Variants in HKDC1 observed in about 807,000 individuals in gnomAD.
HKDC1 encodes hexokinase domain containing 1, also known as hexokinase HKDC1.
HKDC1 carries 66 observed loss-of-function variants against 96.6 expected under a neutral mutation model. The observed-to-expected ratio is 0.68, with a 90% CI of 0.56 to 0.84. HKDC1 has a LOEUF of 0.84. Ranked by LOEUF, HKDC1 falls within the 40% of genes least tolerant of loss-of-function variation. The pLI is 0.00. For missense variants in HKDC1, 1,211 were observed against 1,208.1 expected (o/e 1.00, Z -0.04); for synonymous variants, 466 against 473.1 (o/e 0.98, Z 0.20).
intron 2 of HKDC1, 58 bp from the exon 3 acceptor site, chr10:69,232,706 G>A: frequency 1.3e-6 from 2 of 1,505,758 alleles, no homozygotes; most frequent in South Asian, 2.3e-5. Context: ...CTAATGCAGA[G>A]CTTGCCATAT....
intron 7 of HKDC1, among the ~76,000 whole-genome samples, 174 bp downstream of exon 7, chr10:69,243,539 C>G (rs1390904349): frequency 6.6e-6 from 1 of 151,132 alleles, no homozygotes; most frequent in African/African-American, 2.4e-5. Flanking sequence ...CTCTCTAGCC[C>G]AGGCTGAAGT....
intron 16 of HKDC1, among the ~76,000 whole-genome samples, chr10:69,262,773 C>T (rs1444636016): frequency 6.6e-6 from 1 of 152,128 alleles, no homozygotes; most frequent in African/African-American, 2.4e-5. Context: ...GTTCAGCATC[C>T]TTCTCCTGTC....
intron 15 of HKDC1, among the ~76,000 whole-genome samples, chr10:69,259,890 C>T (rs1843781080): frequency 6.6e-6 from 1 of 152,204 alleles, no homozygotes; most frequent in Non-Finnish European, 1.5e-5. Context: ...TCCTCCAATA[C>T]TGGGGATTGT....
intron 16 of HKDC1, among the ~76,000 whole-genome samples, chr10:69,262,804 CT>C (rs1286241312): frequency 2.0e-5 from 3 of 152,132 alleles, no homozygotes; most frequent in Non-Finnish European, 2.9e-5. Flanking sequence ...CCCATCCAAT[CT>C]GAACAGATGG....
rs759114256 is a variant in HKDC1 at position 69,250,514 on chromosome 10, GCT to G, written c.1717-6_1717-5del. 2,427 of 1,558,844 alleles carry G rather than the reference GCT, an allele frequency of 1.6e-3. 3 individuals are homozygous for G. Among genetic ancestry groups the G allele is most frequent in the Non-Finnish European group, 2.0e-3 (2,258 of 1,143,100 alleles). On this transcript the variant is annotated splice_polypyrimidine_tract_variant and intron_variant, in intron 11 of 17. Coordinates refer to ENST00000354624, the MANE Select transcript of HKDC1 (RefSeq NM_025130.4). Reference sequence around the variant, plus strand: ...TCGATGTCCGCCTGGTGTGAATGCCGCTCTCTCTCTCTCTGCAGCTCTTTGAT... The same window carrying G: ...TCGATGTCCGCCTGGTGTGAATGCCGCTCTCTCTCTCTGCAGCTCTTTGAT...
At chr10:69,242,884 CCTCTTGT>C (rs1843475005) in intron 6 of HKDC1, among the ~76,000 whole-genome samples, 1 of 152,200 alleles carries the variant, frequency 6.6e-6, no homozygotes, top group Non-Finnish European at 1.5e-5. Flanking sequence ...CTTCATTTGT[CCTCTTGT>C]AAGAGCGCTT....
chr10:69,257,688 G>GT (rs796151914), intron 14 of HKDC1, among the ~76,000 whole-genome samples: 33 of 149,640 alleles, frequency 2.2e-4, no homozygotes, highest in Admixed American at 1.7e-3. Flanking sequence ...ATTGTCATGG[G>GT]GGGGGGAAGG....
At chr10:69,252,166 A>G (rs1843652491) in intron 12 of HKDC1, among the ~76,000 whole-genome samples, 1 of 152,168 alleles carries the variant, frequency 6.6e-6, no homozygotes, top group Admixed American at 6.6e-5. Context: ...TAGATAATTC[A>G]TAAATATGGA....
Position 69,257,358 on chromosome 10 carries a change from A to G in HKDC1, c.1964A>G (p.Asn655Ser), listed in dbSNP as rs1843736371. ...GACCTGGACATTGTTGCAGTCGTGA[A>G]TGATACAGTGGGGACCATGATGACC... is the stretch of plus-strand genomic sequence containing the variant. Reference protein sequence around the residue: ...EFDLDIVAVVNDTVGTMMTCG... With the variant: ...EFDLDIVAVVSDTVGTMMTCG... The change falls in exon 14 of 18, where the codon AAT becomes AGT. Residue 655 changes from asparagine (N) to serine (S), a missense_variant. By Grantham distance (46) the Asn-to-Ser change is conservative (BLOSUM62 1). Transcript: ENST00000354624. 1.9e-6 allele frequency: 3 copies of G among 1,613,958 alleles called. No individual in the cohort carries two copies. The highest frequency in any genetic ancestry group is 1.6e-4 in the Middle Eastern group (1 of 6,084).
intron 4 of HKDC1, among the ~76,000 whole-genome samples, chr10:69,237,692 G>T (rs941218949): frequency 6.6e-6 from 1 of 152,106 alleles, no homozygotes; most frequent in Non-Finnish European, 1.5e-5. Context: ...ATCTCTCCCC[G>T]CTCTGTCCCT....
chr10:69,254,979 A>T (rs530674371), intron 12 of HKDC1, among the ~76,000 whole-genome samples: 1 of 152,374 alleles, frequency 6.6e-6, no homozygotes, highest in African/African-American at 2.4e-5. Context: ...GTAACATTTT[A>T]ATTTTTTACA....
In HKDC1 at chr10:69,266,662, G is replaced by A. The variant is rs1478257285; in HGVS notation, c.2659G>A (p.Val887Met). 1.2e-6 allele frequency: 2 copies of A among 1,614,130 alleles called. No homozygotes were observed. Among genetic ancestry groups the A allele is most frequent in the Non-Finnish European group, 1.7e-6 (2 of 1,179,958 alleles). ...TVKELAPRCD[V>M]TFMLSEDGSG... ...GAAGGAACTAGCCCCTCGATGTGATGTGACATTCATGCTGTCAGAAGATGG... is the reference window on the plus strand; with the variant it reads ...GAAGGAACTAGCCCCTCGATGTGATATGACATTCATGCTGTCAGAAGATGG... The change falls in exon 18 of 18, where the codon GTG becomes ATG. Residue 887 changes from valine (V) to methionine (M), a missense_variant. By Grantham distance (21) the Val-to-Met change is conservative (BLOSUM62 1). Transcript: ENST00000354624.
At chr10:69,228,832 C>T (rs1251997947) in intron 2 of HKDC1, among the ~76,000 whole-genome samples, 1 of 150,998 alleles carries the variant, frequency 6.6e-6, no homozygotes, top group African/African-American at 2.4e-5. Context: ...CGCCACTGCA[C>T]TCCAGCCTGG....
At chr10:69,236,354 C>T (rs574606430) in intron 4 of HKDC1, among the ~76,000 whole-genome samples, 38 of 151,722 alleles carry the variant, frequency 2.5e-4, no homozygotes, top group Non-Finnish European at 4.9e-4. Context: ...GAGATCCTCC[C>T]GCCTCAGCCT....
rs1335866788 is a variant in HKDC1, at chr10:69,232,843, G to A, written c.306G>A (p.Lys102=). ...VLKVQVAEEG[K]RHVQMESQFY... is the part of the protein sequence containing the mutation. ...AGGTGCAAGTCGCTGAAGAGGGGAAGCGACACGTGCAGATGGAGAGTCAGT... is the reference window on the plus strand; with the variant it reads ...AGGTGCAAGTCGCTGAAGAGGGGAAACGACACGTGCAGATGGAGAGTCAGT... The change falls in exon 3 of 18, where the codon AAG becomes AAA. Residue 102 remains lysine, a synonymous_variant. Coordinates refer to ENST00000354624, the MANE Select transcript of HKDC1 (RefSeq NM_025130.4). The A allele has an allele frequency of 1.9e-6, 3 of 1,614,150 alleles. No homozygotes were observed. The South Asian group carries it at 3.3e-5, about 18-fold the overall frequency.
rs571066463 is a variant in HKDC1, at chr10:69,227,873, A to G, written c.226+504A>G. On this transcript the variant is annotated intron_variant, in intron 2 of 17. Transcript: ENST00000354624. ...GAGCAAGAATGATGTAGTGGAAATC[A>G]CATTCAATGATAATTCAACAAACCT... 3.3e-5 allele frequency among the ~76,000 whole-genome samples: 5 copies of G among 152,306 alleles called. No homozygotes were observed. The South Asian group carries it at 1.0e-3, about 32-fold the overall frequency.
Position 69,257,409 on chromosome 10 carries a change from A to G in HKDC1, c.2015A>G (p.Glu672Gly), listed in dbSNP as rs1284579175. 6.2e-7 allele frequency: 1 copy of G among 1,613,032 alleles called. No individual in the cohort carries two copies. Among genetic ancestry groups the G allele is most frequent in the African/African-American group, 1.3e-5 (1 of 74,972 alleles). The change falls in exon 14 of 18, where the codon GAG becomes GGG. Residue 672 changes from glutamate to glycine, a missense_variant. Physicochemically the swap from Glu to Gly is moderately conservative, Grantham distance 98. Transcript: ENST00000354624. ...TGTGGCTATGAAGATCCTAATTGTG[A>G]GATTGGCCTGATTGCAGGTAGGTGG... ...MTCGYEDPNCEIGLIAGTGSN... is the reference protein window; with the variant it reads ...MTCGYEDPNCGIGLIAGTGSN...
chr10:69,248,685 C>T lies in HKDC1; in HGVS notation c.1527C>T (p.Val509=), dbSNP rs749451320. 6.2e-7 allele frequency: 1 copy of T among 1,613,492 alleles called. No individual in the cohort carries two copies. The highest frequency in any genetic ancestry group is 1.3e-5 in the African/African-American group (1 of 74,940). The change falls in exon 10 of 18, where the codon GTC becomes GTT. Residue 509 remains valine (V), a synonymous_variant. Coordinates refer to ENST00000354624, the MANE Select transcript of HKDC1 (RefSeq NM_025130.4). The stretch of plus-strand genomic sequence containing the variant: ...AGAAGAGCCACGGGCTGGCCACGGT[C>T]AGGATGCTGCCCACCTACGTCTGCG... ...LKKKSHGLAT[V]RMLPTYVCGL...
intron 1 of HKDC1, among the ~76,000 whole-genome samples, chr10:69,226,162 C>T (rs1423905625): frequency 6.6e-6 from 1 of 152,170 alleles, no homozygotes; most frequent in Non-Finnish European, 1.5e-5. Context: ...GCTGCCGTCC[C>T]TGATGTGACA....
Sources: allele counts gnomAD v4.1 joint callset (sites outside exome capture counted in the v4.1 genomes callset), GRCh38; gene constraint gnomAD v4.1.1; transcripts MANE v1.5; gene names NCBI Gene and HGNC (gene_info 2026-07-23, HGNC 2026-07-21).